The following STX18 variants were observed in gnomAD, a reference collection of about 807,000 sequenced individuals.
STX18 encodes syntaxin-18.
STX18 carries 40 observed loss-of-function variants against 50.1 expected under a neutral mutation model. The observed-to-expected ratio is 0.80, with a 90% CI of 0.62 to 1.04. The LOEUF (loss-of-function observed/expected upper bound fraction) is 1.04. STX18 is among the 50% of genes least tolerant of loss of function. The pLI is 0.00. For missense variants in STX18, 410 were observed against 415.8 expected, an observed-to-expected ratio of 0.99 and a Z score of 0.12; for synonymous variants, 158 against 151.8, an observed-to-expected ratio of 1.04 and a Z score of -0.30.
At chr4:4,509,073 A>C (rs1268594551) in intron 1 of STX18, among the ~76,000 whole-genome samples, 1 of 152,222 alleles carries the variant, frequency 6.6e-6, no homozygotes, top group African/African-American at 2.4e-5. Flanking sequence ...CTTTGGATAG[A>C]TACCCACTAA....
chr4:4,524,933 A>T (rs1249860581), intron 1 of STX18, among the ~76,000 whole-genome samples: 1 of 152,150 alleles, frequency 6.6e-6, no homozygotes, highest in Non-Finnish European at 1.5e-5. Flanking sequence ...GTGGACCGCA[A>T]ATTAAATTTG....
chr4:4,461,836 C>G, intron 2 of STX18: 3 of 456,068 alleles, frequency 6.6e-6, no homozygotes, highest in Non-Finnish European at 1.3e-5. Context: ...CCTCCTCCCT[C>G]TGGCCCCCTC....
intron 5 of STX18, among the ~76,000 whole-genome samples, chr4:4,442,831 T>C (rs1349664529): frequency 8.8e-6 from 1 of 114,182 alleles, no homozygotes; most frequent in African/African-American, 3.1e-5. Context: ...AGCCCCACCA[T>C]AGGTAAAGCA....
At chr4:4,488,566 G>A (rs1560189951) in intron 1 of STX18, among the ~76,000 whole-genome samples, 1 of 152,086 alleles carries the variant, frequency 6.6e-6, no homozygotes, top group African/African-American at 2.4e-5. Flanking sequence ...ATCAAGTATG[G>A]GTCCCATCCA....
At chr4:4,421,162 G>A (rs1294916156) in intron 9 of STX18, among the ~76,000 whole-genome samples, 1 of 152,088 alleles carries the variant, frequency 6.6e-6, no homozygotes, top group African/African-American at 2.4e-5. Context: ...AACAGTAGCC[G>A]TCACCAAGGG....
intron 5 of STX18, among the ~76,000 whole-genome samples, chr4:4,442,567 G>A (rs1197539760): frequency 6.6e-6 from 1 of 152,000 alleles, no homozygotes. Context: ...GCAGTGAGCC[G>A]AGATCACCCA....
chr4:4,515,312 T>C (rs1376719602), intron 1 of STX18, among the ~76,000 whole-genome samples: 2 of 152,088 alleles, frequency 1.3e-5, no homozygotes, highest in African/African-American at 4.8e-5. Context: ...TAACTGTAAA[T>C]ACTAAATAAT....
chr4:4,462,670 T>C (rs1727441338), intron 2 of STX18, among the ~76,000 whole-genome samples: 1 of 151,122 alleles, frequency 6.6e-6, no homozygotes, highest in African/African-American at 2.4e-5. Context: ...GAAGCTAACC[T>C]GGACAACATA....
intron 7 of STX18, chr4:4,425,557 A>C (rs1725204339): frequency 5.1e-6 from 2 of 389,194 alleles, no homozygotes; most frequent in African/African-American, 2.0e-5. Context: ...CTCTAGTACC[A>C]TTATTAAGAA....
intron 1 of STX18, among the ~76,000 whole-genome samples, chr4:4,519,119 C>T (rs1437590508): frequency 6.6e-6 from 1 of 152,064 alleles, no homozygotes; most frequent in Admixed American, 6.5e-5. Flanking sequence ...GGTGTGACCA[C>T]AGTAACAAAC....
chr4:4,428,797 A>AG (rs1166686756), intron 7 of STX18, among the ~76,000 whole-genome samples: 2 of 152,198 alleles, frequency 1.3e-5, no homozygotes, highest in Non-Finnish European at 2.9e-5. Flanking sequence ...CTGGTCTCCA[A>AG]GGTCAGCACG....
intron 1 of STX18, chr4:4,478,719 G>C (rs1252856157): frequency 6.6e-6 from 1 of 152,296 alleles, no homozygotes; most frequent in Non-Finnish European, 1.5e-5. Context: ...AGGGACTTCA[G>C]CTGGACCAGT....
At chr4:4,535,618 C>T (rs192441418) in intron 1 of STX18, among the ~76,000 whole-genome samples, 2 of 152,274 alleles carry the variant, frequency 1.3e-5, no homozygotes, top group East Asian at 3.9e-4. Context: ...CCTCTCACTC[C>T]AGCTTTTACC....
chr4:4,535,457 A>C (rs560675064), intron 1 of STX18, among the ~76,000 whole-genome samples: 98 of 152,280 alleles, frequency 6.4e-4, no homozygotes, highest in African/African-American at 2.3e-3. Context: ...ACACAGCATC[A>C]TGAAGCTAAA....
chr4:4,522,915 T>C (rs1455253036), intron 1 of STX18, among the ~76,000 whole-genome samples: 4 of 152,232 alleles, frequency 2.6e-5, no homozygotes, highest in Non-Finnish European at 4.4e-5. Flanking sequence ...CCAGCAGCTA[T>C]GTGAGTGCAG....
intron 2 of STX18, among the ~76,000 whole-genome samples, chr4:4,466,221 G>A (rs1727612353): frequency 6.6e-6 from 1 of 152,100 alleles, no homozygotes; most frequent in Non-Finnish European, 1.5e-5. Context: ...GGTGATAAAT[G>A]GGTCTCTCAG....
intron 1 of STX18, among the ~76,000 whole-genome samples, chr4:4,515,743 T>C (rs1730225666): frequency 6.6e-6 from 1 of 152,154 alleles, no homozygotes; most frequent in South Asian, 2.1e-4. Flanking sequence ...GGAAAATAAA[T>C]TATTTTTTCC....
intron 1 of STX18, among the ~76,000 whole-genome samples, chr4:4,480,941 A>T (rs1033576995): frequency 6.6e-6 from 1 of 152,224 alleles, no homozygotes; most frequent in Non-Finnish European, 1.5e-5. Flanking sequence ...TATGCACTAC[A>T]GATGAGTTGA....
At position 4,438,568 on chromosome 4, in the gene STX18, A is replaced by G. The variant is rs576940917; in HGVS notation, c.498-59T>C. The G allele has an allele frequency of 3.6e-6, 5 of 1,376,312 alleles. No homozygotes were observed. In the East Asian group the frequency reaches 9.1e-5, roughly 25 times the overall value. The allele number at this position is 1,376,312 out of a possible 1,614,324, so 85.3% of individuals were successfully genotyped here. A position where few individuals can be genotyped will look rare whatever the true frequency, so the allele number is the denominator to read the frequency against. ...TTTCCATAACAGGATTCCTTTTTGA[A>G]AACAGAAGGAGTCACATGTGACCCT... On this transcript the variant is annotated intron_variant, in intron 5 of 10. Coordinates refer to ENST00000306200, the MANE Select transcript of STX18 (RefSeq NM_016930.4).
Sources: gnomAD v4.1 joint callset for allele counts (sites outside exome capture counted in the v4.1 genomes callset) on GRCh38, gnomAD v4.1.1 for gene constraint, MANE v1.5 for transcripts, NCBI Gene and HGNC (gene_info 2026-07-23, HGNC 2026-07-21) for gene names.